The following STK32B variants were observed in gnomAD, a reference collection of about 807,000 sequenced individuals.
The protein encoded by STK32B is serine/threonine kinase 32B.
Under a neutral mutation model 52.6 loss-of-function variants are expected in STK32B, and 43 were observed. That is an observed-to-expected ratio of 0.82 (90% CI 0.64 to 1.05). The LOEUF (loss-of-function observed/expected upper bound fraction) is 1.05, where lower values mean the gene tolerates loss of function less well. Ranked by LOEUF, STK32B falls within the 50% of genes least tolerant of loss-of-function variation. The pLI is 0.00. For synonymous variants in STK32B, 238 were observed against 204.3 expected (o/e 1.17, Z -1.41); for missense variants, 621 against 534.6 (o/e 1.16, Z -1.59).
rs1364955205 is a variant in STK32B, at chr4:5,283,741, A to G, written c.261-47479A>G. Among the ~76,000 whole-genome samples, 3 of 152,312 alleles carry G rather than the reference A, an allele frequency of 2.0e-5. No individual in the cohort carries two copies. The East Asian group carries it at 5.8e-4, about 29-fold the overall frequency. ...TAAATCAGGAGTATTTTACCTGGCAATCTTTAGAAATAATGGAGAAGTAAA... is the reference window on the plus strand; with the variant it reads ...TAAATCAGGAGTATTTTACCTGGCAGTCTTTAGAAATAATGGAGAAGTAAA... On this transcript the variant is annotated intron_variant, in intron 3 of 11. Transcript: ENST00000282908.
intron 1 of STK32B, among the ~76,000 whole-genome samples, chr4:5,103,279 A>G (rs1304261140): frequency 6.6e-6 from 1 of 152,052 alleles, no homozygotes; most frequent in Admixed American, 6.5e-5. Flanking sequence ...TTAAAGCCCC[A>G]TGTTTGCCAC....
rs539212365 is a variant in STK32B, at chr4:5,298,498, C to G, written c.261-32722C>G. ...GTTGCCCTGCCCGGTGAGGAGGAATCTAGAGAGTCAGTCTGGCTGCAGCGG... is the reference window on the plus strand; with the variant it reads ...GTTGCCCTGCCCGGTGAGGAGGAATGTAGAGAGTCAGTCTGGCTGCAGCGG... On this transcript the variant is annotated intron_variant, in intron 3 of 11. Transcript: ENST00000282908. 2.6e-5 allele frequency among the ~76,000 whole-genome samples: 4 copies of G among 152,264 alleles called. No homozygotes were observed. In the South Asian group the frequency reaches 8.3e-4, roughly 32 times the overall value.
At chr4:5,071,967 T>C (rs1156397057) in intron 1 of STK32B, among the ~76,000 whole-genome samples, 1 of 152,170 alleles carries the variant, frequency 6.6e-6, no homozygotes, top group Non-Finnish European at 1.5e-5. Flanking sequence ...AGGTTGCCAA[T>C]TTGATTTGTT....
chr4:5,261,184 T>C (rs925575325), intron 3 of STK32B, among the ~76,000 whole-genome samples: 1 of 152,172 alleles, frequency 6.6e-6, no homozygotes, highest in Non-Finnish European at 1.5e-5. Flanking sequence ...CACTACAGCC[T>C]GGCCCTGCTC....
Position 5,340,237 on chromosome 4 carries a change from G to A in STK32B, c.434+8844G>A, listed in dbSNP as rs114653194. The stretch of plus-strand genomic sequence containing the variant: ...CCCACAAATGATTGCAGCCAAGGAT[G>A]ATGACCATGACAGAGCACTACACAG... On this transcript the variant is annotated intron_variant, in intron 4 of 11. Coordinates refer to ENST00000282908, the MANE Select transcript of STK32B (RefSeq NM_018401.3). 6.7e-3 allele frequency among the ~76,000 whole-genome samples: 1,028 copies of A among 152,300 alleles called. 8 individuals are homozygous for A. The highest frequency in any genetic ancestry group is 0.01 in the Middle Eastern group (3 of 292).
chr4:5,020,774 TTACA>T, the STK32B span, among the ~76,000 whole-genome samples: 1 of 152,110 alleles, frequency 6.6e-6, no homozygotes, highest in African/African-American at 2.4e-5. Flanking sequence ...TGAACATGAC[TTACA>T]TACCAGCAGC....
At position 5,371,571 on chromosome 4, in the gene STK32B, C is replaced by T. The variant is rs116485041; in HGVS notation, c.435-26636C>T. Among the ~76,000 whole-genome samples the T allele has an allele frequency of 8.1e-3, 1,239 of 152,266 alleles. 13 individuals are homozygous for T. Among genetic ancestry groups the T allele is most frequent in the African/African-American group, 0.028 (1,182 of 41,538 alleles). On this transcript the variant is annotated intron_variant, in intron 4 of 11. Transcript: ENST00000282908. Reference sequence around the variant, plus strand: ...CCTCGCGCGGTTGTTGTAAAGACAACACCAGGCCCAGCCGGCTGAAGGGGA... The same window carrying T: ...CCTCGCGCGGTTGTTGTAAAGACAATACCAGGCCCAGCCGGCTGAAGGGGA...
intron 11 of STK32B, among the ~76,000 whole-genome samples, chr4:5,497,725 C>T (rs143049356): frequency 4.6e-5 from 7 of 151,216 alleles, no homozygotes; most frequent in Admixed American, 4.6e-4. Context: ...CACACACACT[C>T]ATACACACAA....
intron 3 of STK32B, among the ~76,000 whole-genome samples, chr4:5,202,947 G>A (rs904590911): frequency 1.2e-4 from 19 of 152,278 alleles, no homozygotes; most frequent in African/African-American, 4.6e-4. Flanking sequence ...CACCTCCTGT[G>A]GGCAACAATA....
At chr4:5,320,634 A>G (rs555071243) in intron 3 of STK32B, among the ~76,000 whole-genome samples, 2 of 152,312 alleles carry the variant, frequency 1.3e-5, no homozygotes, top group East Asian at 3.9e-4. Flanking sequence ...AATCACATTA[A>G]GTATGTATCG....
At chr4:5,464,477 G>A (rs956466618) in intron 9 of STK32B, among the ~76,000 whole-genome samples, 8 of 152,202 alleles carry the variant, frequency 5.3e-5, no homozygotes, top group African/African-American at 1.2e-4. Context: ...TGGGAGCTTC[G>A]GAGGGTGAGG....
chr4:5,482,184 C>A (rs1435280286), intron 11 of STK32B, among the ~76,000 whole-genome samples: 1 of 152,156 alleles, frequency 6.6e-6, no homozygotes, highest in East Asian at 1.9e-4. Flanking sequence ...GCAGTATGGC[C>A]ATTTTCACGA....
chr4:5,494,824 T>C (rs1290499420), intron 11 of STK32B, among the ~76,000 whole-genome samples: 1 of 152,216 alleles, frequency 6.6e-6, no homozygotes, highest in Non-Finnish European at 1.5e-5. Flanking sequence ...TTATTTCTCC[T>C]TCACTTTTGA....
intron 3 of STK32B, among the ~76,000 whole-genome samples, chr4:5,198,915 T>TTTATA (rs1721908533): frequency 6.6e-6 from 1 of 152,228 alleles, no homozygotes; most frequent in Admixed American, 6.5e-5. Context: ...GCTGATCCTG[T>TTTATA]CTTTCCTTCC....
intron 2 of STK32B, chr4:5,140,220 T>C (rs1716330565): frequency 1.4e-6 from 2 of 1,480,516 alleles, no homozygotes; most frequent in Non-Finnish European, 1.8e-6. Context: ...GTTTGTTCCT[T>C]GAGAATCTAA....
At position 5,470,751 on chromosome 4, in the gene STK32B, A is replaced by G. The variant is rs1717793898; in HGVS notation, c.1106+2681A>G. On this transcript the variant is annotated intron_variant, in intron 11 of 11. Transcript: ENST00000282908. The surrounding 1 kb of genome is among the most constrained non-coding windows in gnomAD (Gnocchi z 4.6). The stretch of plus-strand genomic sequence containing the variant: ...ATTCATGACTCATGATTGCCTCAAA[A>G]CAAGCATTTTTACTTTAAACCAAGA... Among the ~76,000 whole-genome samples, 1 of 152,220 alleles carries G rather than the reference A, an allele frequency of 6.6e-6. No homozygotes were observed. Among genetic ancestry groups the G allele is most frequent in the Non-Finnish European group, 1.5e-5 (1 of 68,040 alleles).
At chr4:5,152,276 T>C (rs963289067) in intron 2 of STK32B, among the ~76,000 whole-genome samples, 3 of 152,230 alleles carry the variant, frequency 2.0e-5, no homozygotes, top group African/African-American at 7.2e-5. Context: ...GTGAGGCAAC[T>C]GAGTTAAACA....
chr4:5,139,883 C>T (rs1277523065), intron 1 of STK32B, 22 bp from the exon 2 acceptor site: 3 of 1,614,074 alleles, frequency 1.9e-6, no homozygotes, highest in Non-Finnish European at 1.7e-6. Context: ...TGACTTGTTT[C>T]CTTTTTTGTT....
chr4:5,025,836 T>C, the STK32B span, among the ~76,000 whole-genome samples: 1 of 152,214 alleles, frequency 6.6e-6, no homozygotes, highest in Non-Finnish European at 1.5e-5. Context: ...ATCACACATA[T>C]TGGCCTAGCC....
Sources: allele counts gnomAD v4.1 joint callset (sites outside exome capture counted in the v4.1 genomes callset), GRCh38; gene constraint gnomAD v4.1.1; non-coding constraint Gnocchi (gnomAD v3.1); transcripts MANE v1.5; gene names NCBI Gene and HGNC (gene_info 2026-07-23, HGNC 2026-07-21).